UNC5D: variants seen among roughly 807,000 people sequenced by gnomAD.
UNC5D encodes netrin receptor UNC5D.
In UNC5D, 39 loss-of-function variants were observed where a neutral mutation model predicts 105.4. That is an observed-to-expected ratio of 0.37 (90% CI 0.29 to 0.48). UNC5D has a LOEUF of 0.48. Among genes scored for constraint, UNC5D ranks in the 20% least tolerant of loss-of-function variants. The pLI is 0.98. For synonymous variants in UNC5D, 452 were observed against 450.4 expected (o/e 1.00, Z -0.04); for missense variants, 991 against 1,202.4 (o/e 0.82, Z 2.60).
At chr8:35,524,750 T>A (rs1372802658) in intron 1 of UNC5D, among the ~76,000 whole-genome samples, 5 of 151,510 alleles carry the variant, frequency 3.3e-5, no homozygotes, top group African/African-American at 1.2e-4. Context: ...ACAGTCAGCT[T>A]GTTACTTTTA....
At chr8:35,541,658 G>C (rs924659316) in intron 1 of UNC5D, among the ~76,000 whole-genome samples, 7 of 152,030 alleles carry the variant, frequency 4.6e-5, no homozygotes, top group African/African-American at 1.7e-4. Context: ...GGACAGTTAG[G>C]CTCTCTCCTC....
chr8:35,778,358 G>A (rs1296616550), intron 16 of UNC5D, among the ~76,000 whole-genome samples: 1 of 152,116 alleles, frequency 6.6e-6, no homozygotes, highest in Non-Finnish European at 1.5e-5. Context: ...GTACTGTCCC[G>A]AAGACAACAG....
chr8:35,660,108 G>A (rs1000389192), intron 4 of UNC5D, among the ~76,000 whole-genome samples: 1 of 152,102 alleles, frequency 6.6e-6, no homozygotes, highest in Non-Finnish European at 1.5e-5. Context: ...CAAATAAAAT[G>A]CAAATATCCA....
intron 1 of UNC5D, among the ~76,000 whole-genome samples, chr8:35,286,164 T>C (rs999457787): frequency 2.6e-5 from 4 of 152,150 alleles, no homozygotes; most frequent in South Asian, 2.1e-4. Context: ...GTCTGTCAAA[T>C]ACAATCAATA....
At position 35,791,298 on chromosome 8, in the gene UNC5D, C is replaced by T. The variant is rs760968230; in HGVS notation, c.*735C>T. The T allele has an allele frequency of 2.0e-5, 3 of 152,610 alleles. No homozygotes were observed. Among genetic ancestry groups the T allele is most frequent in the Non-Finnish European group, 2.9e-5 (2 of 68,286 alleles). The allele number at this position is 152,610 out of a possible 1,614,324, so 9.5% of individuals were successfully genotyped here. On this transcript the variant is annotated 3_prime_UTR_variant, in exon 17 of 17. Coordinates refer to ENST00000404895, the MANE Select transcript of UNC5D (RefSeq NM_080872.4). ...GGAGGTATCAAGGAGCATAATTAAA[C>T]TTGTCAATACGGAAAGTTGTTTTTT...
At chr8:35,438,775 A>G (rs1245724849) in intron 1 of UNC5D, among the ~76,000 whole-genome samples, 2 of 152,022 alleles carry the variant, frequency 1.3e-5, no homozygotes, top group African/African-American at 4.8e-5. Flanking sequence ...AGAACGTGTA[A>G]AGCAGAGACC....
In UNC5D at chr8:35,748,745, A is replaced by G. The variant is rs770554902; in HGVS notation, c.1935+50A>G. ...AAACAGTGGGATTTGGGTTCCACCT[A>G]TGGGATATATTTAACCTTAACATCT... On this transcript the variant is annotated intron_variant, in intron 12 of 16. Transcript: ENST00000404895. The G allele has an allele frequency of 8.2e-6, 13 of 1,582,952 alleles. No homozygotes were observed. In the East Asian group the frequency reaches 2.0e-4, roughly 25 times the overall value.
chr8:35,512,482 A>AGAT, intron 1 of UNC5D, among the ~76,000 whole-genome samples: 1 of 112,002 alleles, frequency 8.9e-6, no homozygotes, highest in African/African-American at 3.7e-5. Flanking sequence ...ATATATATAT[A>AGAT]TATATATATA....
intron 7 of UNC5D, 89 bp from the exon 8 acceptor site, chr8:35,705,840 G>C (rs547693256): frequency 2.8e-4 from 205 of 719,476 alleles, no homozygotes; most frequent in Admixed American, 5.9e-4. Flanking sequence ...TTTATTTATA[G>C]AGGTAGATAT....
chr8:35,533,120 G>A (rs1269050995), intron 1 of UNC5D, among the ~76,000 whole-genome samples: 7 of 151,800 alleles, frequency 4.6e-5, no homozygotes, highest in Non-Finnish European at 8.8e-5. Context: ...GAGGAGAGGC[G>A]CTCTGCATTT....
chr8:35,356,021 C>T (rs1164193159), intron 1 of UNC5D, among the ~76,000 whole-genome samples: 1 of 152,150 alleles, frequency 6.6e-6, no homozygotes, highest in African/African-American at 2.4e-5. Context: ...CTGATACAAA[C>T]AATTCTCCTG....
At chr8:35,324,442 G>GTT (rs1809997034) in intron 1 of UNC5D, among the ~76,000 whole-genome samples, 1 of 47,216 alleles carries the variant, frequency 2.1e-5, no homozygotes, top group African/African-American at 5.1e-5. Flanking sequence ...TTGTTTTTGT[G>GTT]CTTTTTGAGT....
At chr8:35,507,204 C>T (rs1471806990) in intron 1 of UNC5D, among the ~76,000 whole-genome samples, 1 of 150,718 alleles carries the variant, frequency 6.6e-6, no homozygotes, top group African/African-American at 2.5e-5. Flanking sequence ...TACAGGCGCC[C>T]GCCACTACGC....
intron 1 of UNC5D, among the ~76,000 whole-genome samples, chr8:35,475,885 T>A (rs967116944): frequency 2.6e-5 from 4 of 152,164 alleles, no homozygotes; most frequent in Non-Finnish European, 4.4e-5. Context: ...CTATGGAACA[T>A]CTGTGAATCA....
chr8:35,764,282 G>A (rs1303784722), intron 14 of UNC5D, among the ~76,000 whole-genome samples: 4 of 152,168 alleles, frequency 2.6e-5, no homozygotes, highest in African/African-American at 9.7e-5. Flanking sequence ...ATAATGCCAG[G>A]AATTGAGGAC....
chr8:35,419,320 C>T (rs563449741), intron 1 of UNC5D, among the ~76,000 whole-genome samples: 37 of 152,264 alleles, frequency 2.4e-4, no homozygotes, highest in Non-Finnish European at 4.6e-4. Context: ...CCAGGCTCAC[C>T]GTTGGGCTAG....
intron 1 of UNC5D, among the ~76,000 whole-genome samples, chr8:35,518,468 T>C (rs1318291041): frequency 6.6e-6 from 1 of 152,176 alleles, no homozygotes; most frequent in Non-Finnish European, 1.5e-5. Context: ...GCAACATAAA[T>C]TGAATTTACA....
chr8:35,269,622 A>C lies in UNC5D; in HGVS notation c.103+33735A>C, dbSNP rs186412507. Among the ~76,000 whole-genome samples the C allele has an allele frequency of 3.3e-3, 506 of 152,308 alleles. 3 individuals are homozygous for C. The highest frequency in any genetic ancestry group is 0.011 in the African/African-American group (475 of 41,568). On this transcript the variant is annotated intron_variant, in intron 1 of 16. Coordinates refer to ENST00000404895, the MANE Select transcript of UNC5D (RefSeq NM_080872.4). ...ACCATATTGGGTTCAACTTATTTAA[A>C]AAAAATTTCTTCTGTTTGGCACAAT...
intron 1 of UNC5D, among the ~76,000 whole-genome samples, chr8:35,461,989 A>G (rs1808926208): frequency 6.6e-6 from 1 of 152,212 alleles, no homozygotes; most frequent in Admixed American, 6.5e-5. Context: ...ATAGATGAGG[A>G]AACTGACACC....
Sources: allele counts gnomAD v4.1 joint callset (sites outside exome capture counted in the v4.1 genomes callset), GRCh38; gene constraint gnomAD v4.1.1; transcripts MANE v1.5; gene names NCBI Gene and HGNC (gene_info 2026-07-23, HGNC 2026-07-21).